The following AP3D1 variants were observed in gnomAD, a reference collection of about 807,000 sequenced individuals.
AP3D1 encodes adaptor related protein complex 3 subunit delta 1.
Under a neutral mutation model 147.6 loss-of-function variants are expected in AP3D1, and 51 were observed. The ratio of observed to expected loss-of-function variants is 0.35; its 90% CI spans 0.28 to 0.44. The LOEUF (loss-of-function observed/expected upper bound fraction) is 0.44. Ranked by LOEUF, AP3D1 falls within the 20% of genes least tolerant of loss-of-function variation. The pLI is 1.00. For synonymous variants in AP3D1, 760 were observed against 663.0 expected (o/e 1.15, Z -2.25); for missense variants, 1,421 against 1,624.2 (o/e 0.87, Z 2.15).
At chr19:2,131,841 G>A (rs551309430) in intron 5 of AP3D1, among the ~76,000 whole-genome samples, 6 of 149,180 alleles carry the variant, frequency 4.0e-5, no homozygotes, top group African/African-American at 1.5e-4. Context: ...GCAGCCACGC[G>A]GGGACAGCGC....
At position 2,118,684 on chromosome 19, in the gene AP3D1, C is replaced by G; in HGVS notation, c.1630G>C (p.Glu544Gln). The G allele has an allele frequency of 6.2e-7, 1 of 1,613,382 alleles. No homozygotes were observed. The highest frequency in any genetic ancestry group is 8.5e-7 in the Non-Finnish European group (1 of 1,180,022). The change falls in exon 15 of 32, where the codon GAG (glutamate) becomes CAG (glutamine). Residue 544 changes from glutamate to glutamine, a missense_variant. Glu to Gln is a conservative substitution (Grantham distance 29). Transcript: ENST00000643116. ...LQQKEQAGEA[E>Q]GAQAVTQLMV... ...AGCTGGGTGACGGCCTGAGCGCCCT[C>G]TGCCTCCCCGGCCTGCTCCTTCTGC...
intron 14 of AP3D1, among the ~76,000 whole-genome samples, chr19:2,119,698 T>C (rs2018556957): frequency 1.6e-4 from 7 of 44,744 alleles, no homozygotes; most frequent in East Asian, 7.6e-4. Context: ...AGACTCTGTC[T>C]CAAAAAAAAA....
upstream of AP3D1, among the ~76,000 whole-genome samples, chr19:2,152,788 A>G (rs1418851975): frequency 1.3e-5 from 2 of 151,406 alleles, no homozygotes; most frequent in Non-Finnish European, 2.9e-5. Context: ...AGGCAGAAGA[A>G]TCTCTTGAAC....
chr19:2,156,999 G>A (rs76664412), intron 1 of AP3D1, among the ~76,000 whole-genome samples: 1 of 139,622 alleles, frequency 7.2e-6, no homozygotes, highest in Non-Finnish European at 1.5e-5. Context: ...CATCAACAAG[G>A]TTTGTTGAAA....
chr19:2,161,110 G>A (rs967125319), intron 1 of AP3D1, among the ~76,000 whole-genome samples: 4 of 151,698 alleles, frequency 2.6e-5, no homozygotes, highest in Admixed American at 2.0e-4. Flanking sequence ...GGACCCCCAG[G>A]GTCCTCCTGG....
intron 4 of AP3D1, among the ~76,000 whole-genome samples, chr19:2,135,058 G>A (rs760593073): frequency 2.0e-4 from 31 of 151,834 alleles, no homozygotes; most frequent in South Asian, 4.2e-4. Context: ...AAAATTAGCC[G>A]GGTGTGGTGG....
At chr19:2,112,048 G>C (rs1047003364) in intron 24 of AP3D1, 17 of 659,652 alleles carry the variant, frequency 2.6e-5, no homozygotes, top group African/African-American at 7.3e-5. Context: ...AAGCGCCAAA[G>C]CAGCCCGGGG....
upstream of AP3D1, among the ~76,000 whole-genome samples, chr19:2,154,437 G>A (rs550806456): frequency 4.6e-5 from 7 of 151,324 alleles, 1 homozygote; most frequent in South Asian, 2.1e-4. Flanking sequence ...TCGCCACCAC[G>A]CCCAGCTAAT....
At chr19:2,150,145 T>A (rs2019467125) in intron 1 of AP3D1, among the ~76,000 whole-genome samples, 1 of 152,320 alleles carries the variant, frequency 6.6e-6, no homozygotes, top group South Asian at 2.1e-4. Context: ...CTGAGGGACA[T>A]GGTGCCAGGA....
intron 26 of AP3D1, 148 bp downstream of exon 26, chr19:2,111,137 G>A (rs2018263197): frequency 1.8e-6 from 2 of 1,089,482 alleles, no homozygotes; most frequent in South Asian, 1.5e-5. Context: ...CAAGCCAGAG[G>A]TGCTGCCCAA....
chr19:2,104,665 A>AG (rs2018060600), intron 31 of AP3D1, among the ~76,000 whole-genome samples: 1 of 138,746 alleles, frequency 7.2e-6, no homozygotes, highest in African/African-American at 2.8e-5. Context: ...CTCTGACACA[A>AG]GTTTTTTTTT....
In AP3D1 at chr19:2,127,775, C is replaced by T. The variant is rs565916598; in HGVS notation, c.807-574G>A. 9.2e-5 allele frequency among the ~76,000 whole-genome samples: 14 copies of T among 152,350 alleles called. No individual in the cohort carries two copies. The South Asian group carries it at 2.9e-3, about 32-fold the overall frequency. On this transcript the variant is annotated intron_variant, in intron 8 of 31. Transcript: ENST00000643116. ...CTCCTGACCTCAAGTGATCTACTCG[C>T]CTTGGCCTCCCAAAGCGCTGGGATC...
At chr19:2,158,682 C>T (rs375854923) in intron 1 of AP3D1, among the ~76,000 whole-genome samples, 1 of 151,558 alleles carries the variant, frequency 6.6e-6, no homozygotes, top group East Asian at 1.9e-4. Context: ...CCGCTTACTG[C>T]AACCTCCGCC....
intron 27 of AP3D1, 58 bp from the exon 28 acceptor site, chr19:2,110,282 G>T: frequency 6.8e-7 from 1 of 1,462,418 alleles, no homozygotes; most frequent in South Asian, 1.1e-5. Flanking sequence ...GCATGGGTGG[G>T]GCCTCCAGGT....
intron 1 of AP3D1, among the ~76,000 whole-genome samples, chr19:2,157,420 C>G (rs183917472): frequency 3.9e-5 from 5 of 127,648 alleles, no homozygotes; most frequent in Non-Finnish European, 6.2e-5. Flanking sequence ...CCAGCCTGGG[C>G]GACAGAGCGA....
chr19:2,116,797 C>T (rs2018468577), intron 16 of AP3D1, 51 bp from the exon 17 acceptor site: 2 of 1,543,300 alleles, frequency 1.3e-6, no homozygotes, highest in Non-Finnish European at 1.7e-6. Context: ...GAGCACGCGC[C>T]TGCAGGCGTC....
chr19:2,106,126 C>T (rs527785410), intron 31 of AP3D1, among the ~76,000 whole-genome samples: 19 of 152,248 alleles, frequency 1.2e-4, no homozygotes, highest in East Asian at 9.7e-4. Flanking sequence ...AGCACGATGA[C>T]GACAGGTGAA....
chr19:2,111,013 C>T lies in AP3D1; in HGVS notation c.2986-117G>A, dbSNP rs73512347. 1,723 of 1,177,192 alleles carry T rather than the reference C, an allele frequency of 1.5e-3. 15 individuals are homozygous for T. The African/African-American group carries it at 0.021, about 15-fold the overall frequency. The allele number at this position is 1,177,192 out of a possible 1,614,324, so 72.9% of individuals were successfully genotyped here. A position where few individuals can be genotyped will look rare whatever the true frequency, so the allele number is the denominator to read the frequency against. ...GGGGTCCCACAGGCACAGGAAGGCA[C>T]GGAGAGGGGCGCCCCCTAGCCGCAG... On this transcript the variant is annotated intron_variant, in intron 26 of 31. Coordinates refer to ENST00000643116, the MANE Select transcript of AP3D1 (RefSeq NM_001261826.3).
chr19:2,111,656 G>A lies in AP3D1; in HGVS notation c.2937+23C>T, dbSNP rs114693097. The A allele has an allele frequency of 3.5e-4, 554 of 1,566,592 alleles. 3 individuals are homozygous for A. Among genetic ancestry groups the A allele is most frequent in the African/African-American group, 3.4e-3 (255 of 74,074 alleles). The stretch of plus-strand genomic sequence containing the variant: ...CCCGCCAGGAACCCCGGCGTGGGGC[G>A]GGGGCGCTGAAGTACCCCTCACCGG... On this transcript the variant is annotated intron_variant, in intron 25 of 31. Coordinates refer to ENST00000643116, the MANE Select transcript of AP3D1 (RefSeq NM_001261826.3).
Sources: gnomAD v4.1 joint callset for allele counts (sites outside exome capture counted in the v4.1 genomes callset) on GRCh38, gnomAD v4.1.1 for gene constraint, MANE v1.5 for transcripts, NCBI Gene and HGNC (gene_info 2026-07-23, HGNC 2026-07-21) for gene names.